TTLL11: variants seen among roughly 807,000 people sequenced by gnomAD.
TTLL11 encodes the protein tubulin tyrosine ligase like 11, also known as tubulin polyglutamylase TTLL11.
TTLL11 carries 42 observed loss-of-function variants against 51.7 expected under a neutral mutation model. The observed-to-expected ratio is 0.81, with a 90% CI of 0.64 to 1.05. The LOEUF (loss-of-function observed/expected upper bound fraction) is 1.05. Among genes scored for constraint, TTLL11 ranks in the 50% least tolerant of loss-of-function variants. TTLL11 has a pLI of 0.00. For synonymous variants in TTLL11, 381 were observed against 383.5 expected, an observed-to-expected ratio of 0.99 and a Z score of 0.08; for missense variants, 799 against 940.4, an observed-to-expected ratio of 0.85 and a Z score of 1.97.
At chr9:122,042,163 T>C (rs1006845547) in intron 1 of TTLL11, among the ~76,000 whole-genome samples, 7 of 152,138 alleles carry the variant, frequency 4.6e-5, no homozygotes, top group African/African-American at 1.7e-4. Flanking sequence ...TACTGGCACA[T>C]GCCAGCGCAC....
chr9:121,949,913 G>A (rs1841796665), intron 6 of TTLL11, among the ~76,000 whole-genome samples: 1 of 151,918 alleles, frequency 6.6e-6, no homozygotes, highest in African/African-American at 2.4e-5. Flanking sequence ...ACATGTCTGG[G>A]TCTTCAGTCC....
At chr9:121,996,077 G>C (rs935762843) in intron 3 of TTLL11, among the ~76,000 whole-genome samples, 1 of 152,162 alleles carries the variant, frequency 6.6e-6, no homozygotes, top group African/African-American at 2.4e-5. Context: ...AGTTTACTGG[G>C]GCAGTGGCAT....
intron 1 of TTLL11, among the ~76,000 whole-genome samples, chr9:122,074,938 G>A (rs7028094): frequency 0.27 from 40,455 of 151,560 alleles, 5,681 homozygotes; most frequent in African/African-American, 0.3. Flanking sequence ...AATAGTCTGT[G>A]TTTCTAAATA....
rs1268533766 is a variant in TTLL11, at chr9:121,890,998, C to T, written c.1482-20250G>A. On this transcript the variant is annotated intron_variant, in intron 6 of 8. Transcript: ENST00000321582. The surrounding 1 kb of genome is among the most constrained non-coding windows in gnomAD (Gnocchi z 4.3). ...CCCTAAGCCTTTGCATGAAACTGGCCTCTGCCTGGAACTTCATTCCTTCCA... is the reference window on the plus strand; with the variant it reads ...CCCTAAGCCTTTGCATGAAACTGGCTTCTGCCTGGAACTTCATTCCTTCCA... Among the ~76,000 whole-genome samples, 2 of 152,212 alleles carry T rather than the reference C, an allele frequency of 1.3e-5. No homozygotes were observed. Among genetic ancestry groups the T allele is most frequent in the Admixed American group, 1.3e-4 (2 of 15,284 alleles).
At chr9:121,929,439 CA>C (rs34203510) in intron 6 of TTLL11, among the ~76,000 whole-genome samples, 24,038 of 137,264 alleles carry the variant, frequency 0.18, 1,909 homozygotes, top group Middle Eastern at 0.2. Context: ...GACCCCGTCT[CA>C]AAAAAAAAAA....
intron 6 of TTLL11, among the ~76,000 whole-genome samples, chr9:121,879,984 G>GAAAAT (rs1838721708): frequency 6.6e-6 from 1 of 151,348 alleles, no homozygotes; most frequent in Non-Finnish European, 1.5e-5. Flanking sequence ...AAAAAGAAAA[G>GAAAAT]AAAAAAGAAA....
At chr9:121,943,759 T>G (rs1841572134) in intron 6 of TTLL11, among the ~76,000 whole-genome samples, 1 of 152,228 alleles carries the variant, frequency 6.6e-6, no homozygotes. Flanking sequence ...GCACTTGTTT[T>G]CTTTCTTTGT....
At chr9:121,906,936 G>A (rs924700614) in intron 6 of TTLL11, among the ~76,000 whole-genome samples, 8 of 151,994 alleles carry the variant, frequency 5.3e-5, no homozygotes, top group African/African-American at 1.9e-4. Flanking sequence ...GGCCGGGCAC[G>A]GTGGCTCATG....
At chr9:121,988,977 A>T in intron 4 of TTLL11, 1 of 1,070,906 alleles carries the variant, frequency 9.3e-7, no homozygotes, top group Non-Finnish European at 1.3e-6. Context: ...ATTTCATTTT[A>T]CAGGTAACAG....
At chr9:121,952,648 T>C (rs918144991) in intron 6 of TTLL11, among the ~76,000 whole-genome samples, 2 of 152,094 alleles carry the variant, frequency 1.3e-5, no homozygotes, top group African/African-American at 4.8e-5. Context: ...TCTGTTCCCC[T>C]GGGGAAATAA....
At chr9:121,879,447 T>C (rs181688782) in intron 6 of TTLL11, among the ~76,000 whole-genome samples, 4 of 152,302 alleles carry the variant, frequency 2.6e-5, no homozygotes, top group South Asian at 4.1e-4. Context: ...TCCTTCTCTA[T>C]TGAGGATGAA....
At chr9:121,842,191 G>T (rs911214149) in intron 8 of TTLL11, among the ~76,000 whole-genome samples, 4 of 152,096 alleles carry the variant, frequency 2.6e-5, no homozygotes, top group African/African-American at 9.7e-5. Context: ...TAGGGTCTCA[G>T]AGTCCCTCAC....
intron 1 of TTLL11, among the ~76,000 whole-genome samples, chr9:122,084,348 G>C (rs1846070829): frequency 6.6e-6 from 1 of 152,260 alleles, no homozygotes; most frequent in African/African-American, 2.4e-5. Context: ...AAAATTACTA[G>C]ATAATGGTTC....
chr9:121,960,667 C>T (rs1339743126), intron 6 of TTLL11, among the ~76,000 whole-genome samples: 2 of 152,222 alleles, frequency 1.3e-5, no homozygotes, highest in Non-Finnish European at 2.9e-5. Context: ...CGTATGCATA[C>T]TTGCATTCGT....
Position 121,860,281 on chromosome 9 carries a change from A to G in TTLL11, c.1840+56T>C. 5.2e-6 allele frequency: 7 copies of G among 1,346,828 alleles called. No homozygotes were observed. In the South Asian group the frequency reaches 9.1e-5, roughly 18 times the overall value. 83.4% of individuals were successfully genotyped at this position (1,346,828 alleles called of 1,614,324 possible). The stretch of plus-strand genomic sequence containing the variant: ...CTTGACAAGAAGGAACAGAAAATAT[A>G]CCACCCATGCCTGTCAGGACCCCCA... On this transcript the variant is annotated intron_variant, in intron 8 of 8. Transcript: ENST00000321582.
intron 6 of TTLL11, among the ~76,000 whole-genome samples, chr9:121,948,433 G>T (rs770881540): frequency 1.2e-4 from 19 of 152,198 alleles, no homozygotes; most frequent in Non-Finnish European, 2.5e-4. Context: ...GCAAATTATA[G>T]AAACGATTTG....
At chr9:122,000,242 C>T (rs1843417931) in intron 3 of TTLL11, among the ~76,000 whole-genome samples, 2 of 152,018 alleles carry the variant, frequency 1.3e-5, no homozygotes, top group Non-Finnish European at 2.9e-5. Context: ...GAGGCCGAGG[C>T]AGGCGGATCA....
chr9:122,059,033 C>T (rs1192833737), intron 1 of TTLL11, among the ~76,000 whole-genome samples: 1 of 151,986 alleles, frequency 6.6e-6, no homozygotes, highest in Non-Finnish European at 1.5e-5. Context: ...GACTGGCTTA[C>T]ACACCTCTGC....
chr9:121,883,742 A>G (rs1233415667), intron 6 of TTLL11, among the ~76,000 whole-genome samples: 1 of 152,204 alleles, frequency 6.6e-6, no homozygotes, highest in Non-Finnish European at 1.5e-5. Context: ...TCACAGAAGT[A>G]CTAAATGTTT....
Sources: allele counts gnomAD v4.1 joint callset (sites outside exome capture counted in the v4.1 genomes callset), GRCh38; gene constraint gnomAD v4.1.1; non-coding constraint Gnocchi (gnomAD v3.1); transcripts MANE v1.5; gene names NCBI Gene and HGNC (gene_info 2026-07-23, HGNC 2026-07-21).